The following GIMAP7 variants were observed in gnomAD, a reference collection of about 807,000 sequenced individuals.
The protein encoded by GIMAP7 is GTPase IMAP family member 7.
For missense variants in GIMAP7, 323 were observed against 359.7 expected, an observed-to-expected ratio of 0.90 and a Z score of 0.83; for synonymous variants, 137 against 129.3, an observed-to-expected ratio of 1.06 and a Z score of -0.40.
At chr7:150,518,766 C>T (rs1048883629) in intron 1 of GIMAP7, among the ~76,000 whole-genome samples, 1 of 152,072 alleles carries the variant, frequency 6.6e-6, no homozygotes, top group Non-Finnish European at 1.5e-5. Context: ...ATCCTCCCCA[C>T]TCCCAGGTTA....
intron 1 of GIMAP7, among the ~76,000 whole-genome samples, chr7:150,515,365 C>T (rs1447829168): frequency 6.6e-6 from 1 of 152,150 alleles, no homozygotes; most frequent in Non-Finnish European, 1.5e-5. Flanking sequence ...AAGGGGTACC[C>T]AGATCACTCA....
At chr7:150,515,301 C>G (rs979581672) in intron 1 of GIMAP7, among the ~76,000 whole-genome samples, 6 of 152,176 alleles carry the variant, frequency 3.9e-5, no homozygotes, top group African/African-American at 4.8e-5. Flanking sequence ...CTAAGTCCCT[C>G]TTCTTACAGA....
In GIMAP7 at chr7:150,520,719, G is replaced by T. The variant is rs370140657; in HGVS notation, c.745G>T (p.Glu249Ter). Residue 249 changes from glutamate to a stop codon, truncating the protein, a stop_gained, in exon 2 of 2, where the codon GAA becomes TAA. Coordinates refer to ENST00000313543, the MANE Select transcript of GIMAP7 (RefSeq NM_153236.4). LOFTEE classifies it low-confidence loss of function (END_TRUNC). ...TAAATCAGAGGAAGAAAAGGAGAAA[G>T]AAATTAAATTACTAAAATTAAAATA... ...KHKSEEEKEK[E>*]IKLLKLKYDE... is the part of the protein sequence containing the mutation. 9 of 1,505,860 alleles carry T rather than the reference G, an allele frequency of 6.0e-6. No individual in the cohort carries two copies. Among genetic ancestry groups the T allele is most frequent in the Non-Finnish European group, 8.1e-6 (9 of 1,108,750 alleles). The allele number at this position is 1,505,860 out of a possible 1,614,324, so 93.3% of individuals were successfully genotyped here. A position where few individuals can be genotyped will look rare whatever the true frequency, so the allele number is the denominator to read the frequency against.
chr7:150,515,910 T>G (rs1031178008), intron 1 of GIMAP7, among the ~76,000 whole-genome samples: 6 of 152,076 alleles, frequency 3.9e-5, no homozygotes, highest in African/African-American at 1.4e-4. Flanking sequence ...TCATCTCCTT[T>G]GCCCTCCACT....
intron 1 of GIMAP7, 60 bp from the exon 2 acceptor site, chr7:150,519,874 T>G: frequency 1.0e-6 from 1 of 958,458 alleles, no homozygotes; most frequent in Non-Finnish European, 1.6e-6. Context: ...GAAAAGAAGG[T>G]TGGGAATGGA....
intron 1 of GIMAP7, among the ~76,000 whole-genome samples, chr7:150,515,336 G>A (rs1045131201): frequency 6.6e-6 from 1 of 152,154 alleles, no homozygotes; most frequent in African/African-American, 2.4e-5. Flanking sequence ...CCCAATCCCA[G>A]AGATTTTGAT....
rs1264428784 is a variant in GIMAP7 at position 150,520,105 on chromosome 7, C to T, written c.131C>T (p.Thr44Ile). Residue 44 changes from threonine (T) to isoleucine (I), a missense_variant, in exon 2 of 2, where the codon ACC becomes ATC. Thr to Ile is a moderately conservative substitution (Grantham distance 89, BLOSUM62 -1). Coordinates refer to ENST00000313543, the MANE Select transcript of GIMAP7 (RefSeq NM_153236.4). ...TCTAGAATTGCTGCCCAAGCTGTTA[C>T]CAAGAACTGTCAAAAAGCATCCCGG... The part of the protein sequence containing the change: ...FDSRIAAQAV[T>I]KNCQKASREW... 1.2e-6 allele frequency: 2 copies of T among 1,614,032 alleles called. No homozygotes were observed. The highest frequency in any genetic ancestry group is 4.5e-5 in the East Asian group (2 of 44,894).
In GIMAP7 at chr7:150,520,360, T is replaced by A. The variant is rs530097290; in HGVS notation, c.386T>A (p.Ile129Asn). 6.2e-7 allele frequency: 1 copy of A among 1,614,228 alleles called. No homozygotes were observed. The highest frequency in any genetic ancestry group is 1.1e-5 in the South Asian group (1 of 91,084). The part of the protein sequence containing the change: ...FGKSAMKHMV[I>N]LFTRKEELEG... ...AAGTCAGCCATGAAGCACATGGTCA[T>A]CTTGTTCACTCGCAAAGAAGAGTTG... The change falls in exon 2 of 2, where the codon ATC becomes AAC. Residue 129 changes from isoleucine to asparagine, a missense_variant. Coordinates refer to ENST00000313543, the MANE Select transcript of GIMAP7 (RefSeq NM_153236.4).
chr7:150,518,498 T>C (rs1396779768), intron 1 of GIMAP7, among the ~76,000 whole-genome samples: 1 of 152,124 alleles, frequency 6.6e-6, no homozygotes, highest in Non-Finnish European at 1.5e-5. Flanking sequence ...TTTATATATT[T>C]TTTTCTTTGG....
Position 150,520,824 on chromosome 7 carries a change from C to T in GIMAP7, c.850C>T (p.Leu284Phe). Residue 284 changes from leucine to phenylalanine, a missense_variant, in exon 2 of 2, where the codon CTT becomes TTT. Coordinates refer to ENST00000313543, the MANE Select transcript of GIMAP7 (RefSeq NM_153236.4). The stretch of plus-strand genomic sequence containing the variant: ...TGTTTTTAATAGGATTTGGAAGATG[C>T]TTTCAGAAATATGGCATAGGTTTTT... The part of the protein sequence containing the change: ...KDVFNRIWKM[L>F]SEIWHRFLSK... 1 of 1,507,076 alleles carries T rather than the reference C, an allele frequency of 6.6e-7. No homozygotes were observed. The highest frequency in any genetic ancestry group is 1.4e-5 in the South Asian group (1 of 72,736). The allele number at this position is 1,507,076 out of a possible 1,614,324, so 93.4% of individuals were successfully genotyped here.
intron 1 of GIMAP7, among the ~76,000 whole-genome samples, chr7:150,515,229 A>G (rs987574375): frequency 3.3e-5 from 5 of 152,188 alleles, no homozygotes; most frequent in African/African-American, 1.2e-4. Context: ...TAACCTTCAT[A>G]AGAAATTAAG....
In GIMAP7 at chr7:150,520,652, C is replaced by G; in HGVS notation, c.678C>G (p.Asp226Glu). The G allele has an allele frequency of 6.2e-7, 1 of 1,612,430 alleles. No homozygotes were observed. Among genetic ancestry groups the G allele is most frequent in the Non-Finnish European group, 8.5e-7 (1 of 1,179,136 alleles). Reference sequence around the variant, plus strand: ...AGGTTTTGAGGAAAATCTACACTGACCAATTAAATGAAGAAATTAAACTAG... The same window carrying G: ...AGGTTTTGAGGAAAATCTACACTGAGCAATTAAATGAAGAAATTAAACTAG... ...REEVLRKIYT[D>E]QLNEEIKLVE... The change falls in exon 2 of 2, where the codon GAC becomes GAG. Residue 226 changes from aspartate to glutamate, a missense_variant. Transcript: ENST00000313543.
At chr7:150,515,375 A>G (rs1795124804) in intron 1 of GIMAP7, among the ~76,000 whole-genome samples, 1 of 152,186 alleles carries the variant, frequency 6.6e-6, no homozygotes, top group African/African-American at 2.4e-5. Context: ...CAGATCACTC[A>G]TGGCGGAGGA....
chr7:150,515,008 G>A (rs1371952208), intron 1 of GIMAP7, 63 bp downstream of exon 1: 1 of 152,956 alleles, frequency 6.5e-6, no homozygotes, highest in Non-Finnish European at 1.5e-5. Flanking sequence ...GGGACAGGGT[G>A]TGTGGCTGGA....
chr7:150,520,783 G>T lies in GIMAP7; in HGVS notation c.809G>T (p.Arg270Ile). 1 of 1,505,746 alleles carries T rather than the reference G, an allele frequency of 6.6e-7. No individual in the cohort carries two copies. The highest frequency in any genetic ancestry group is 2.3e-5 in the East Asian group (1 of 43,916). The allele number at this position is 1,505,746 out of a possible 1,614,324, so 93.3% of individuals were successfully genotyped here. The change falls in exon 2 of 2, where the codon AGA (arginine) becomes ATA (isoleucine). Residue 270 changes from arginine (R) to isoleucine (I), a missense_variant. Arg to Ile is a moderately conservative substitution (Grantham distance 97). Coordinates refer to ENST00000313543, the MANE Select transcript of GIMAP7 (RefSeq NM_153236.4). The stretch of plus-strand genomic sequence containing the variant: ...AAAAATATAAGGGAAGAAGCTGAGA[G>T]AAATATATTTAAAGATGTTTTTAAT... ...KIKNIREEAERNIFKDVFNRI... is the reference protein window; with the variant it reads ...KIKNIREEAEINIFKDVFNRI...
chr7:150,518,301 C>A (rs1310834218), intron 1 of GIMAP7, among the ~76,000 whole-genome samples: 1 of 152,140 alleles, frequency 6.6e-6, no homozygotes, highest in Non-Finnish European at 1.5e-5. Context: ...CCCCTTCACA[C>A]TAGTCATGCA....
In GIMAP7 at chr7:150,520,402, A is replaced by C. The variant is rs1795177198; in HGVS notation, c.428A>C (p.His143Pro). Residue 143 changes from histidine (H) to proline (P), a missense_variant, in exon 2 of 2, where the codon CAT (histidine) becomes CCT (proline). His to Pro is a moderately conservative substitution (Grantham distance 77). Coordinates refer to ENST00000313543, the MANE Select transcript of GIMAP7 (RefSeq NM_153236.4). ...RKEELEGQSF[H>P]DFIADADVGL... ...GAAGAGTTGGAGGGCCAGAGCTTCC[A>C]TGACTTCATAGCAGATGCGGATGTG... The C allele has an allele frequency of 6.2e-7, 1 of 1,614,238 alleles. No individual in the cohort carries two copies. The highest frequency in any genetic ancestry group is 8.5e-7 in the Non-Finnish European group (1 of 1,180,046).
intron 1 of GIMAP7, among the ~76,000 whole-genome samples, chr7:150,517,626 A>C (rs1248997948): frequency 6.6e-6 from 1 of 152,098 alleles, no homozygotes; most frequent in African/African-American, 2.4e-5. Context: ...TGAAATTATT[A>C]ATACTACATT....
chr7:150,518,403 G>C (rs112958685), intron 1 of GIMAP7, among the ~76,000 whole-genome samples: 4 of 152,138 alleles, frequency 2.6e-5, no homozygotes, highest in African/African-American at 7.2e-5. Flanking sequence ...AGTGATCTCT[G>C]AGAATTTTTT....
Sources: gnomAD v4.1 joint callset for allele counts (sites outside exome capture counted in the v4.1 genomes callset) on GRCh38, gnomAD v4.1.1 for gene constraint, MANE v1.5 for transcripts, NCBI Gene and HGNC (gene_info 2026-07-23, HGNC 2026-07-21) for gene names.